The following ITGB3BP variants were observed in gnomAD, a reference collection of about 807,000 sequenced individuals.
ITGB3BP encodes centromere protein R.
Under a neutral mutation model 29.1 loss-of-function variants are expected in ITGB3BP, and 27 were observed. That is an observed-to-expected ratio of 0.93 (90% confidence interval 0.68 to 1.28). The LOEUF (loss-of-function observed/expected upper bound fraction) is 1.28, where lower values mean the gene tolerates loss of function less well. Among genes scored for constraint, ITGB3BP ranks in the 50% most tolerant of loss-of-function variants. The pLI is 0.00. For synonymous variants in ITGB3BP, 61 were observed against 61.4 expected (o/e 0.99, Z 0.03); for missense variants, 192 against 200.2 (o/e 0.96, Z 0.25).
At chr1:63,495,369 G>A (rs116149532) in intron 2 of ITGB3BP, among the ~76,000 whole-genome samples, 191 of 152,254 alleles carry the variant, frequency 1.3e-3, no homozygotes, top group African/African-American at 4.4e-3. Context: ...TTTCCAAAGA[G>A]AATGAAGAAT....
At chr1:63,460,335 A>C (rs1644997084) in intron 4 of ITGB3BP, among the ~76,000 whole-genome samples, 1 of 152,112 alleles carries the variant, frequency 6.6e-6, no homozygotes, top group African/African-American at 2.4e-5. Flanking sequence ...GTAACCTTTA[A>C]TCTCCTTTCT....
At chr1:63,493,378 G>A (rs183325309) in intron 2 of ITGB3BP, among the ~76,000 whole-genome samples, 38 of 152,108 alleles carry the variant, frequency 2.5e-4, no homozygotes, top group African/African-American at 8.0e-4. Flanking sequence ...TCACGCCACC[G>A]CACTCTAGCC....
chr1:63,505,477 G>A (rs1254853763), intron 2 of ITGB3BP, among the ~76,000 whole-genome samples: 2 of 151,954 alleles, frequency 1.3e-5, no homozygotes, highest in Admixed American at 1.3e-4. Context: ...TGGATTCATT[G>A]ATTTTTTGAA....
intron 2 of ITGB3BP, among the ~76,000 whole-genome samples, chr1:63,494,881 C>A (rs1395923197): frequency 6.6e-6 from 1 of 152,190 alleles, no homozygotes; most frequent in Non-Finnish European, 1.5e-5. Flanking sequence ...CAGCTCACTG[C>A]AGCCTTGAAC....
chr1:63,482,270 C>CAAAAAAAAAAAAA (rs376500389), intron 3 of ITGB3BP, among the ~76,000 whole-genome samples: 1 of 59,352 alleles, frequency 1.7e-5, no homozygotes. Flanking sequence ...GACTCCATCT[C>CAAAAAAAAAAAAA]AAAAAAAAAA....
At chr1:63,443,186 T>TA (rs1644750889) in intron 8 of ITGB3BP, 1 of 152,348 alleles carries the variant, frequency 6.6e-6, no homozygotes, top group Non-Finnish European at 1.5e-5. Context: ...TCAGGAGTAC[T>TA]GTCAGGTTTC....
chr1:63,500,286 G>A (rs989008182), intron 2 of ITGB3BP, among the ~76,000 whole-genome samples: 5 of 152,140 alleles, frequency 3.3e-5, no homozygotes, highest in East Asian at 1.9e-4. Flanking sequence ...GCCGAGGCAG[G>A]AGAACTGCTT....
At chr1:63,491,766 T>C (rs1257788779) in intron 2 of ITGB3BP, among the ~76,000 whole-genome samples, 1 of 152,202 alleles carries the variant, frequency 6.6e-6, no homozygotes, top group African/African-American at 2.4e-5. Flanking sequence ...GTATCCATAG[T>C]GGCCACAAAT....
intron 1 of ITGB3BP, among the ~76,000 whole-genome samples, chr1:63,522,317 C>G (rs1356012197): frequency 2.0e-5 from 3 of 152,164 alleles, no homozygotes; most frequent in African/African-American, 7.2e-5. Flanking sequence ...AGCTGTGTTA[C>G]TTTGCATTTT....
At chr1:63,522,385 C>T (rs576681174) in intron 1 of ITGB3BP, among the ~76,000 whole-genome samples, 1 of 152,242 alleles carries the variant, frequency 6.6e-6, no homozygotes, top group East Asian at 1.9e-4. Flanking sequence ...CCTAAATCAA[C>T]CTGAGGACAA....
chr1:63,488,604 T>C (rs1280182230), intron 3 of ITGB3BP, among the ~76,000 whole-genome samples: 1 of 152,094 alleles, frequency 6.6e-6, no homozygotes, highest in Non-Finnish European at 1.5e-5. Context: ...TTAAAACATG[T>C]ACAAGATGAC....
chr1:63,488,185 T>C lies in ITGB3BP; in HGVS notation c.184+1898A>G, dbSNP rs979967551. On this transcript the variant is annotated intron_variant, in intron 3 of 8. Coordinates refer to ENST00000271002, the MANE Select transcript of ITGB3BP (RefSeq NM_014288.5). ...GGTTCAAATGTACATAGAAAGTACA[T>C]ATAAATATCTGGAGGAAGATTATTC... 5.3e-5 allele frequency among the ~76,000 whole-genome samples: 8 copies of C among 152,210 alleles called. No homozygotes were observed. The East Asian group carries it at 9.7e-4, about 18-fold the overall frequency.
chr1:63,467,522 CTGAT>C (rs55927407), intron 4 of ITGB3BP, among the ~76,000 whole-genome samples: 29,925 of 149,568 alleles, frequency 0.2, 3,318 homozygotes, highest in African/African-American at 0.3. Flanking sequence ...TGCTTGCTTG[CTGAT>C]TGATTGATTG....
chr1:63,477,516 C>G (rs1415237096), intron 4 of ITGB3BP, among the ~76,000 whole-genome samples: 1 of 151,978 alleles, frequency 6.6e-6, no homozygotes, highest in Non-Finnish European at 1.5e-5. Context: ...CCCAGGGGTT[C>G]AATACTAGCC....
At position 63,454,374 on chromosome 1, in the gene ITGB3BP, TCTTA is replaced by T. The variant is rs1644903099; in HGVS notation, c.427+2_427+5del. ...TTACTGTCATTGAAAACTCAAAAATTCTTACTTAGTTCTTTGGTTTTCTGCATTT... is the reference window on the plus strand; with the variant it reads ...TTACTGTCATTGAAAACTCAAAAATTCTTAGTTCTTTGGTTTTCTGCATTT... On this transcript the variant is annotated splice_donor_variant and splice_donor_5th_base_variant and intron_variant, in intron 6 of 8. Coordinates refer to ENST00000271002, the MANE Select transcript of ITGB3BP (RefSeq NM_014288.5). LOFTEE classifies it high-confidence loss of function. The surrounding 1 kb of genome is among the most constrained non-coding windows in gnomAD (Gnocchi z 4.1). The T allele has an allele frequency of 8.2e-6, 12 of 1,469,846 alleles. No homozygotes were observed. Among genetic ancestry groups the T allele is most frequent in the East Asian group, 2.3e-5 (1 of 43,680 alleles). 91.1% of individuals were successfully genotyped at this position (1,469,846 alleles called of 1,614,324 possible). A position where few individuals can be genotyped will look rare whatever the true frequency, so the allele number is the denominator to read the frequency against.
intron 4 of ITGB3BP, among the ~76,000 whole-genome samples, 171 bp downstream of exon 4, chr1:63,478,593 C>T (rs191824877): frequency 9.8e-5 from 15 of 152,322 alleles, no homozygotes; most frequent in African/African-American, 3.4e-4. Flanking sequence ...CATTATAGAA[C>T]ATCACAAACC....
At chr1:63,514,453 T>C (rs991742363) in intron 1 of ITGB3BP, among the ~76,000 whole-genome samples, 1 of 152,192 alleles carries the variant, frequency 6.6e-6, no homozygotes, top group Non-Finnish European at 1.5e-5. Context: ...CATAAGAAAC[T>C]GCCAAAATGT....
chr1:63,502,944 T>C (rs1645975750), intron 2 of ITGB3BP, among the ~76,000 whole-genome samples: 1 of 152,196 alleles, frequency 6.6e-6, no homozygotes. Flanking sequence ...TCCAAGTCTT[T>C]GCTATTGTGA....
chr1:63,493,449 CA>C (rs774633303), intron 2 of ITGB3BP, among the ~76,000 whole-genome samples: 1 of 151,648 alleles, frequency 6.6e-6, no homozygotes, highest in Non-Finnish European at 1.5e-5. Context: ...AACAAACAAA[CA>C]AACAAACCTG....
Sources: gnomAD v4.1 joint callset for allele counts (sites outside exome capture counted in the v4.1 genomes callset) on GRCh38, gnomAD v4.1.1 for gene constraint, Gnocchi (gnomAD v3.1) non-coding constraint, MANE v1.5 for transcripts, NCBI Gene and HGNC (gene_info 2026-07-23, HGNC 2026-07-21) for gene names.